The following ZBTB41 variants were observed in gnomAD, a reference collection of about 807,000 sequenced individuals.
The protein encoded by ZBTB41 is zinc finger and BTB domain-containing protein 41.
In ZBTB41, 42 loss-of-function variants were observed where a neutral mutation model predicts 87.6. The observed-to-expected ratio is 0.48, with a 90% CI of 0.37 to 0.62. ZBTB41 has a LOEUF of 0.62. Ranked by LOEUF, ZBTB41 falls within the 20% of genes least tolerant of loss-of-function variation. The pLI is 0.00. For synonymous variants in ZBTB41, 364 were observed against 364.0 expected, an observed-to-expected ratio of 1.00 and a Z score of 0.00; for missense variants, 799 against 1,078.9, an observed-to-expected ratio of 0.74 and a Z score of 3.63.
At chr1:197,165,958 G>A (rs1401065687) in intron 10 of ZBTB41, among the ~76,000 whole-genome samples, 1 of 152,096 alleles carries the variant, frequency 6.6e-6, no homozygotes, top group Non-Finnish European at 1.5e-5. Context: ...AGCAGAACCA[G>A]GGTGGGGCGT....
At position 197,176,572 on chromosome 1, in the gene ZBTB41, AT is replaced by A; in HGVS notation, c.1870del (p.Ile624TyrfsTer88). ...RHDHLTKHKK[I>X]HSGEKAHQCE... ...TACAAAATATGGTATACCTGAATGT[AT>A]TTTTTTGTGCTTTGTAAGGTGATCA... On this transcript the variant is annotated frameshift_variant, in exon 8 of 11. Coordinates refer to ENST00000367405, the MANE Select transcript of ZBTB41 (RefSeq NM_194314.3). LOFTEE classifies it high-confidence loss of function. 1.2e-6 allele frequency: 2 copies of A among 1,609,106 alleles called. No homozygotes were observed.
chr1:197,177,366 A>C (rs1248587552), intron 7 of ZBTB41, among the ~76,000 whole-genome samples: 1 of 152,080 alleles, frequency 6.6e-6, no homozygotes. Context: ...CCATGATTCT[A>C]AGTTTCCTGA....
intron 7 of ZBTB41, among the ~76,000 whole-genome samples, chr1:197,176,932 T>C (rs1467896814): frequency 2.6e-5 from 4 of 152,132 alleles, no homozygotes; most frequent in African/African-American, 9.7e-5. Flanking sequence ...CTTCCCATCA[T>C]ATTAGATCCT....
intron 3 of ZBTB41, among the ~76,000 whole-genome samples, chr1:197,191,379 C>T (rs1660027689): frequency 6.7e-6 from 1 of 148,542 alleles, no homozygotes; most frequent in Non-Finnish European, 1.5e-5. Context: ...ATTGATTGAA[C>T]CCAGGAGTTA....
chr1:197,163,078 A>G (rs1659237070), intron 10 of ZBTB41, among the ~76,000 whole-genome samples: 1 of 152,200 alleles, frequency 6.6e-6, no homozygotes. Context: ...AGGACTCACC[A>G]AAGTGAGAAA....
intron 6 of ZBTB41, among the ~76,000 whole-genome samples, chr1:197,179,224 G>C (rs989549633): frequency 1.3e-5 from 2 of 152,096 alleles, no homozygotes; most frequent in Non-Finnish European, 2.9e-5. Flanking sequence ...CACTACTACA[G>C]TCATGTACTG....
chr1:197,188,172 A>G, intron 5 of ZBTB41, 120 bp downstream of exon 5: 2 of 1,217,942 alleles, frequency 1.6e-6, no homozygotes, highest in Non-Finnish European at 2.3e-6. Flanking sequence ...CTGTGAACCT[A>G]AAACCACTCT....
intron 10 of ZBTB41, among the ~76,000 whole-genome samples, chr1:197,164,062 G>A (rs1659260600): frequency 6.6e-6 from 1 of 151,926 alleles, no homozygotes; most frequent in African/African-American, 2.4e-5. Context: ...ACAAAAAAGC[G>A]ATGTCTTTGG....
intron 9 of ZBTB41, among the ~76,000 whole-genome samples, chr1:197,172,887 T>G (rs1029107931): frequency 2.0e-5 from 3 of 152,084 alleles, no homozygotes; most frequent in Non-Finnish European, 4.4e-5. Flanking sequence ...AAATTTGAAC[T>G]AATAAATAAA....
chr1:197,183,028 T>C (rs1307670172), intron 5 of ZBTB41, among the ~76,000 whole-genome samples: 1 of 152,128 alleles, frequency 6.6e-6, no homozygotes, highest in Non-Finnish European at 1.5e-5. Context: ...TATATATATA[T>C]AATATTGCTT....
chr1:197,174,068 C>T (rs1659540849), intron 9 of ZBTB41, among the ~76,000 whole-genome samples: 1 of 152,080 alleles, frequency 6.6e-6, no homozygotes, highest in Non-Finnish European at 1.5e-5. Context: ...ATGTACAAAA[C>T]ACTTTAACTT....
chr1:197,191,798 T>C lies in ZBTB41; in HGVS notation c.1222A>G (p.Arg408Gly), dbSNP rs1213877486. 1 of 1,613,820 alleles carries C rather than the reference T, an allele frequency of 6.2e-7. No homozygotes were observed. The highest frequency in any genetic ancestry group is 8.5e-7 in the Non-Finnish European group (1 of 1,179,920). Residue 408 changes from arginine (R) to glycine (G), a missense_variant, in exon 3 of 11, where the codon AGA (arginine) becomes GGA (glycine). By Grantham distance (125) the Arg-to-Gly change is moderately radical. Around this residue, in one of 5 missense-constraint regions of ZBTB41, gnomAD observed 294 missense variants for 340.1 expected, o/e 0.86. Transcript: ENST00000367405. ...YSTKSNLTVH[R>G]KKHSNETEFH... ...TCTGTTTCATTACTGTGCTTCTTTCTGTGAACAGTTAGGTTAGACTTTGTT... is the reference window on the plus strand; with the variant it reads ...TCTGTTTCATTACTGTGCTTCTTTCCGTGAACAGTTAGGTTAGACTTTGTT...
chr1:197,180,994 C>A lies in ZBTB41; in HGVS notation c.1670G>T (p.Arg557Leu). 1 of 1,591,508 alleles carries A rather than the reference C, an allele frequency of 6.3e-7. No individual in the cohort carries two copies. The highest frequency in any genetic ancestry group is 2.2e-5 in the East Asian group (1 of 44,482). The change falls in exon 6 of 11, where the codon CGA (arginine) becomes CTA (leucine). Residue 557 changes from arginine (R) to leucine (L), a missense_variant. Coordinates refer to ENST00000367405, the MANE Select transcript of ZBTB41 (RefSeq NM_194314.3). ...WTCFICGKSV[R>L]ERTTLKEHLR... The stretch of plus-strand genomic sequence containing the variant: ...TGTGCAGATAATTCTTCACCTTTCT[C>A]GTACTGATTTTCCACAGATAAAGCA...
At chr1:197,168,889 AAGAC>A (rs1439254252) in intron 10 of ZBTB41, among the ~76,000 whole-genome samples, 2 of 152,090 alleles carry the variant, frequency 1.3e-5, no homozygotes, top group Non-Finnish European at 2.9e-5. Flanking sequence ...CCATTAGAAA[AAGAC>A]AGACACTCCA....
chr1:197,164,831 C>A (rs866512387), intron 10 of ZBTB41, among the ~76,000 whole-genome samples: 5 of 96,014 alleles, frequency 5.2e-5, no homozygotes, highest in African/African-American at 2.9e-4. Flanking sequence ...TAATACATAT[C>A]TAATATATTA....
Position 197,190,838 on chromosome 1 carries a change from G to C in ZBTB41, c.1329-7C>G, listed in dbSNP as rs1660007573. 1 of 1,545,658 alleles carries C rather than the reference G, an allele frequency of 6.5e-7. No individual in the cohort carries two copies. The highest frequency in any genetic ancestry group is 1.8e-5 in the Admixed American group (1 of 55,192). On this transcript the variant is annotated splice_region_variant and splice_polypyrimidine_tract_variant and intron_variant, in intron 3 of 10. Transcript: ENST00000367405. ...TGCATTTTCAGGATGAAATCTATCA[G>C]AGGAAAAGAAAAAGATTATTAGGAA... is the stretch of plus-strand genomic sequence containing the variant.
rs200718676 is a variant in ZBTB41 at position 197,199,571 on chromosome 1, T to C, written c.903A>G (p.Glu301=). 3 of 1,607,906 alleles carry C rather than the reference T, an allele frequency of 1.9e-6. No homozygotes were observed. Among genetic ancestry groups the C allele is most frequent in the African/African-American group, 2.7e-5 (2 of 74,498 alleles). The part of the protein sequence containing the change: ...DRNDSEDPGS[E]YNAEEDELEE... The stretch of plus-strand genomic sequence containing the variant: ...CTAGCTCATCTTCTTCAGCATTATA[T>C]TCACTTCCAGGGTCCTCAGAATCAT... The change falls in exon 2 of 11, where the codon GAA becomes GAG. Residue 301 remains glutamate, a synonymous_variant. Coordinates refer to ENST00000367405, the MANE Select transcript of ZBTB41 (RefSeq NM_194314.3).
In ZBTB41 at chr1:197,199,270, C is replaced by T. The variant is rs573521481; in HGVS notation, c.1120+84G>A. ...AAACAGTCTTTTTAGAAGTTACTTTCCAAGTTTAGTTTTTATTTATCACCT... is the reference window on the plus strand; with the variant it reads ...AAACAGTCTTTTTAGAAGTTACTTTTCAAGTTTAGTTTTTATTTATCACCT... On this transcript the variant is annotated intron_variant, in intron 2 of 10. Transcript: ENST00000367405. 5.4e-5 allele frequency: 71 copies of T among 1,324,916 alleles called. 2 individuals carry two copies. The South Asian group carries it at 1.4e-3, about 26-fold the overall frequency. 82.1% of individuals were successfully genotyped at this position (1,324,916 alleles called of 1,614,324 possible).
At chr1:197,175,390 G>C (rs1282870189) in intron 8 of ZBTB41, among the ~76,000 whole-genome samples, 1 of 113,928 alleles carries the variant, frequency 8.8e-6, no homozygotes, top group African/African-American at 3.0e-5. Context: ...CAATGTAACA[G>C]AGCAAGATAA....
Sources: allele counts gnomAD v4.1 joint callset (sites outside exome capture counted in the v4.1 genomes callset), GRCh38; gene constraint gnomAD v4.1.1; regional missense constraint gnomAD v4.1.1; transcripts MANE v1.5; gene names NCBI Gene and HGNC (gene_info 2026-07-23, HGNC 2026-07-21).